Variants in CNGB1 observed in about 807,000 individuals in gnomAD.
CNGB1 encodes the protein cyclic nucleotide-gated channel beta-1.
CNGB1 carries 126 observed loss-of-function variants against 151.7 expected under a neutral mutation model. That is an observed-to-expected ratio of 0.83 (90% CI 0.72 to 0.96). The LOEUF is 0.96. Ranked by LOEUF, CNGB1 falls within the 40% of genes least tolerant of loss-of-function variation. The probability of loss-of-function intolerance (pLI) is 0.00; values close to 1 mark genes in which losing one functional copy is unlikely to be tolerated. For missense variants in CNGB1, 1,698 were observed against 1,627.0 expected (o/e 1.04, Z -0.75); for synonymous variants, 623 against 635.1 (o/e 0.98, Z 0.29).
chr16:57,922,367 G>C (rs1179689352), intron 18 of CNGB1, among the ~76,000 whole-genome samples: 2 of 151,728 alleles, frequency 1.3e-5, no homozygotes, highest in Non-Finnish European at 2.9e-5. Context: ...GGGACAGTTC[G>C]ATCTCAGAGA....
At position 57,884,053 on chromosome 16, in the gene CNGB1, A is replaced by G. The variant is rs556523294; in HGVS notation, c.*111T>C. Reference sequence around the variant, plus strand: ...AGCCACTGAGGTCACGACTACGGAAAAGCATCTTCTCTTGAGCCGTGGGGG... The same window carrying G: ...AGCCACTGAGGTCACGACTACGGAAGAGCATCTTCTCTTGAGCCGTGGGGG... On this transcript the variant is annotated 3_prime_UTR_variant, in exon 33 of 33. Coordinates refer to ENST00000251102, the MANE Select transcript of CNGB1 (RefSeq NM_001297.5). 7.5e-4 allele frequency: 1,141 copies of G among 1,518,404 alleles called. 14 individuals carry two copies. The South Asian group carries it at 0.011, about 14-fold the overall frequency. The allele number at this position is 1,518,404 out of a possible 1,614,324, so 94.1% of individuals were successfully genotyped here. A position where few individuals can be genotyped will look rare whatever the true frequency, so the allele number is the denominator to read the frequency against.
rs534004040 is a variant in CNGB1 at position 57,904,949 on chromosome 16, C to T, written c.2493-74G>A. Reference sequence around the variant, plus strand: ...GCCGCCCCGAGCAGTCTGGCTCAGACGCCTCTGATAGATGCATGTTGTGCA... The same window carrying T: ...GCCGCCCCGAGCAGTCTGGCTCAGATGCCTCTGATAGATGCATGTTGTGCA... On this transcript the variant is annotated intron_variant, in intron 25 of 32. Coordinates refer to ENST00000251102, the MANE Select transcript of CNGB1 (RefSeq NM_001297.5). 114 of 1,579,576 alleles carry T rather than the reference C, an allele frequency of 7.2e-5. No homozygotes were observed. The East Asian group carries it at 1.9e-3, about 26-fold the overall frequency.
rs375729452 is a variant in CNGB1 at position 57,884,446 on chromosome 16, C to A, written c.3474G>T (p.Ser1158=). The A allele has an allele frequency of 2.5e-6, 4 of 1,613,358 alleles. No homozygotes were observed. The highest frequency in any genetic ancestry group is 1.3e-5 in the African/African-American group (1 of 74,808). Residue 1158 remains serine, a synonymous_variant, in exon 33 of 33, where the codon TCG becomes TCT. Transcript: ENST00000251102. ...AGCCTTCCTCTCCCTTGACGTCTTGCGAGCTCTTGGCCTGGAATCCAGAAA... is the reference window on the plus strand; with the variant it reads ...AGCCTTCCTCTCCCTTGACGTCTTGAGAGCTCTTGGCCTGGAATCCAGAAA... ...QQELVEQAKS[S]QDVKGEEGSA...
At chr16:57,931,021 TG>T (rs1961331567) in intron 17 of CNGB1, among the ~76,000 whole-genome samples, 1 of 151,926 alleles carries the variant, frequency 6.6e-6, no homozygotes, top group Non-Finnish European at 1.5e-5. Context: ...AAAAAAGACT[TG>T]GTGAGTTATA....
At chr16:57,949,295 G>A in intron 14 of CNGB1, 58 bp downstream of exon 14, 1 of 1,601,050 alleles carries the variant, frequency 6.2e-7, no homozygotes. Flanking sequence ...CCAGACCCCA[G>A]GAGCTCAGCC....
intron 31 of CNGB1, among the ~76,000 whole-genome samples, chr16:57,890,128 T>C (rs1960046526): frequency 6.6e-6 from 1 of 152,250 alleles, no homozygotes; most frequent in South Asian, 2.1e-4. Flanking sequence ...AAATGAATTC[T>C]GCCTGCAACC....
At chr16:57,926,541 A>G (rs1961193944) in intron 17 of CNGB1, among the ~76,000 whole-genome samples, 1 of 152,182 alleles carries the variant, frequency 6.6e-6, no homozygotes, top group Non-Finnish European at 1.5e-5. Flanking sequence ...CTCGCCGAGG[A>G]TGGCAAAATT....
At chr16:57,955,073 G>C (rs1962051135) in intron 12 of CNGB1, 2 of 1,347,244 alleles carry the variant, frequency 1.5e-6, no homozygotes, top group Non-Finnish European at 1.9e-6. Context: ...CAGCCCTCTG[G>C]GGGTAAGTCC....
At chr16:57,891,710 C>T (rs1181591465) in intron 31 of CNGB1, among the ~76,000 whole-genome samples, 1 of 151,980 alleles carries the variant, frequency 6.6e-6, no homozygotes, top group Admixed American at 6.6e-5. Context: ...GTGCCCATGA[C>T]CACGCCTGGC....
intron 31 of CNGB1, 96 bp from the exon 32 acceptor site, chr16:57,888,170 G>C: frequency 7.5e-7 from 1 of 1,335,880 alleles, no homozygotes; most frequent in Non-Finnish European, 1.0e-6. Context: ...GCTGTGTAGT[G>C]GTGGTGATTT....
Position 57,960,023 on chromosome 16 carries a change from G to A in CNGB1, c.626C>T (p.Ala209Val). The A allele has an allele frequency of 3.8e-6, 6 of 1,573,422 alleles. No homozygotes were observed. Among genetic ancestry groups the A allele is most frequent in the African/African-American group, 1.3e-5 (1 of 74,538 alleles). Residue 209 changes from alanine to valine, a missense_variant, in exon 10 of 33, where the codon GCC (alanine) becomes GTC (valine). Ala to Val is a moderately conservative substitution (Grantham distance 64, BLOSUM62 0). Coordinates refer to ENST00000251102, the MANE Select transcript of CNGB1 (RefSeq NM_001297.5). The stretch of plus-strand genomic sequence containing the variant: ...TGTGGGCAGGGAGGGGGTCTCCCGG[G>A]CCTGCAGCTTGGGCCCCATTTCCTG... ...RPQEMGPKLQ[A>V]RETPSLPTPI... is the part of the protein sequence containing the mutation.
At chr16:57,891,184 C>T (rs912810955) in intron 31 of CNGB1, among the ~76,000 whole-genome samples, 1 of 152,172 alleles carries the variant, frequency 6.6e-6, no homozygotes, top group African/African-American at 2.4e-5. Flanking sequence ...GTGGGGAGAC[C>T]TGGTACCAGT....
At chr16:57,901,201 A>C (rs565064628) in intron 29 of CNGB1, 151 bp downstream of exon 29, 1 of 798,474 alleles carries the variant, frequency 1.3e-6, no homozygotes, top group African/African-American at 1.7e-5. Context: ...GGGTCTGGTC[A>C]GGTCACTGCA....
Position 57,897,924 on chromosome 16 carries a change from A to G in CNGB1, c.2977-10T>C. 1 of 1,613,380 alleles carries G rather than the reference A, an allele frequency of 6.2e-7. No individual in the cohort carries two copies. The highest frequency in any genetic ancestry group is 8.5e-7 in the Non-Finnish European group (1 of 1,179,254). On this transcript the variant is annotated splice_polypyrimidine_tract_variant and intron_variant, in intron 29 of 32. Transcript: ENST00000251102. The stretch of plus-strand genomic sequence containing the variant: ...CACGGCCGATCTCCCCCTGAAACAA[A>G]GAAGTGACAAGTCCCTCTGTTCATC...
chr16:57,896,713 A>AAAATAAAT (rs3038249), intron 31 of CNGB1, among the ~76,000 whole-genome samples: 1,803 of 137,016 alleles, frequency 0.013, 18 homozygotes, highest in African/African-American at 0.019. Flanking sequence ...ACTCTGTCTC[A>AAAATAAAT]AAATAAATAA....
chr16:57,911,806 C>T lies in CNGB1; in HGVS notation c.2439G>A (p.Ser813=), dbSNP rs778192245. The change falls in exon 25 of 33, where the codon TCG becomes TCA. Residue 813 remains serine, a synonymous_variant. Transcript: ENST00000251102. ...HLNSCLYYWA[S]AYQGLGSTHW... is the part of the protein sequence containing the mutation. Reference sequence around the variant, plus strand: ...GAGTGGAGCCGAGGCCCTGATAGGCCGATGCCCAGTAATAAAGACAGGAAT... The same window carrying T: ...GAGTGGAGCCGAGGCCCTGATAGGCTGATGCCCAGTAATAAAGACAGGAAT... 9.3e-6 allele frequency: 15 copies of T among 1,613,944 alleles called. No individual in the cohort carries two copies. The Admixed American group carries it at 2.0e-4, about 22-fold the overall frequency.
chr16:57,966,992 G>C, intron 2 of CNGB1, 136 bp downstream of exon 2: 1 of 1,213,784 alleles, frequency 8.2e-7, no homozygotes, highest in Non-Finnish European at 1.2e-6. Context: ...AACAAGTGTG[G>C]GACCCTGTGA....
chr16:57,960,152 C>G (rs759663687), intron 9 of CNGB1, 87 bp from the exon 10 acceptor site: 2 of 1,522,026 alleles, frequency 1.3e-6, no homozygotes, highest in Non-Finnish European at 1.8e-6. Context: ...AGATTCGAGT[C>G]GCTAACAGGA....
At chr16:57,970,754 G>C (rs1336944806) in intron 1 of CNGB1, among the ~76,000 whole-genome samples, 1 of 152,192 alleles carries the variant, frequency 6.6e-6, no homozygotes, top group Admixed American at 6.5e-5. Context: ...CAGGTGGGAA[G>C]GGGGACCCAC....
Sources: allele counts gnomAD v4.1 joint callset (sites outside exome capture counted in the v4.1 genomes callset), GRCh38; gene constraint gnomAD v4.1.1; transcripts MANE v1.5; gene names NCBI Gene and HGNC (gene_info 2026-07-23, HGNC 2026-07-21).